The following STXBP5L variants were observed in gnomAD, a reference collection of about 807,000 sequenced individuals.
STXBP5L encodes the protein syntaxin-binding protein 5-like.
In STXBP5L, 65 loss-of-function variants were observed where a neutral mutation model predicts 144.5. That is an observed-to-expected ratio of 0.45 (90% CI 0.37 to 0.55). The LOEUF (loss-of-function observed/expected upper bound fraction) is 0.55. STXBP5L is among the 20% of genes least tolerant of loss of function. STXBP5L has a pLI of 0.00. For missense variants in STXBP5L, 1,298 were observed against 1,405.5 expected (o/e 0.92, Z 1.22); for synonymous variants, 505 against 469.6 (o/e 1.08, Z -0.97).
chr3:121,025,612 A>T (rs1279890549), intron 3 of STXBP5L, among the ~76,000 whole-genome samples: 1 of 151,626 alleles, frequency 6.6e-6, no homozygotes, highest in East Asian at 1.9e-4. Flanking sequence ...TAACTGTCTA[A>T]ATTTTGCAGG....
intron 9 of STXBP5L, among the ~76,000 whole-genome samples, chr3:121,203,964 C>T (rs982122230): frequency 6.6e-6 from 1 of 152,148 alleles, no homozygotes; most frequent in African/African-American, 2.4e-5. Context: ...CAGGGCTGGG[C>T]TTGGTGGCTC....
At chr3:121,348,343 G>C (rs895588712) in intron 20 of STXBP5L, among the ~76,000 whole-genome samples, 2 of 152,092 alleles carry the variant, frequency 1.3e-5, no homozygotes, top group African/African-American at 4.8e-5. Flanking sequence ...TTGATGTGCT[G>C]CTGGATTCGG....
intron 3 of STXBP5L, among the ~76,000 whole-genome samples, chr3:120,974,055 C>T (rs991689190): frequency 5.3e-5 from 8 of 152,090 alleles, no homozygotes; most frequent in African/African-American, 1.7e-4. Context: ...GGGTATATAC[C>T]GAGTAATGGG....
intron 7 of STXBP5L, among the ~76,000 whole-genome samples, chr3:121,134,944 T>C (rs1451493893): frequency 6.6e-6 from 1 of 152,226 alleles, no homozygotes; most frequent in Non-Finnish European, 1.5e-5. Flanking sequence ...CTGGGTCAAA[T>C]GGTATTTCTA....
At chr3:120,980,046 G>A (rs1019332466) in intron 3 of STXBP5L, among the ~76,000 whole-genome samples, 1 of 152,014 alleles carries the variant, frequency 6.6e-6, no homozygotes, top group Non-Finnish European at 1.5e-5. Flanking sequence ...GTTTCTGTTG[G>A]TGTTGATTTC....
intron 3 of STXBP5L, among the ~76,000 whole-genome samples, chr3:120,985,455 A>G (rs973485787): frequency 6.6e-6 from 1 of 152,042 alleles, no homozygotes; most frequent in African/African-American, 2.4e-5. Flanking sequence ...TGTCTTAGCA[A>G]TTTTCAAGTA....
rs115466142 is a variant in STXBP5L, at chr3:121,209,145, C to G, written c.956+3144C>G. ...AGTATTATTCCATGGTGTATATGTG[C>G]TACATTTTCGTTATCCAATCTATCA... On this transcript the variant is annotated intron_variant, in intron 10 of 26. Transcript: ENST00000471454. Among the ~76,000 whole-genome samples the G allele has an allele frequency of 7.5e-3, 1,139 of 152,240 alleles. 13 individuals are homozygous for G. Among genetic ancestry groups the G allele is most frequent in the African/African-American group, 0.026 (1,091 of 41,520 alleles).
intron 5 of STXBP5L, among the ~76,000 whole-genome samples, chr3:121,092,297 A>G (rs1382750284): frequency 6.6e-6 from 1 of 151,912 alleles, no homozygotes; most frequent in Non-Finnish European, 1.5e-5. Context: ...GTGTTTTCCA[A>G]TTCTGTGATG....
intron 9 of STXBP5L, among the ~76,000 whole-genome samples, chr3:121,188,002 T>C (rs1026234073): frequency 3.9e-5 from 6 of 152,104 alleles, no homozygotes; most frequent in Middle Eastern, 3.2e-3. Flanking sequence ...TAAATATATA[T>C]GCACCGAATG....
chr3:121,028,116 A>G (rs1946084141), intron 3 of STXBP5L, among the ~76,000 whole-genome samples: 1 of 152,134 alleles, frequency 6.6e-6, no homozygotes, highest in Non-Finnish European at 1.5e-5. Flanking sequence ...ACAAGTATGT[A>G]TTCAAAAATT....
At chr3:120,943,995 A>T (rs1710709982) in intron 2 of STXBP5L, among the ~76,000 whole-genome samples, 1 of 151,606 alleles carries the variant, frequency 6.6e-6, no homozygotes, top group African/African-American at 2.4e-5. Flanking sequence ...ATTAGTGATA[A>T]GCACATAAAA....
intron 9 of STXBP5L, among the ~76,000 whole-genome samples, chr3:121,193,128 A>T (rs2047769653): frequency 7.0e-6 from 1 of 142,896 alleles, no homozygotes; most frequent in African/African-American, 2.6e-5. Context: ...ATTTACAAGA[A>T]AAAAACAAAC....
rs1455444336 is a variant in STXBP5L, at chr3:121,254,876, G to A, written c.1442-19G>A. On this transcript the variant is annotated intron_variant, in intron 15 of 26. Coordinates refer to ENST00000471454, the MANE Select transcript of STXBP5L (RefSeq NM_001308330.2). ...ATTAAGTTTAAATTAGAAGATAACT[G>A]TGCTTCGATGTCTTATAGTAACTCT... 5 of 1,560,546 alleles carry A rather than the reference G, an allele frequency of 3.2e-6. No homozygotes were observed. The highest frequency in any genetic ancestry group is 3.9e-5 in the Admixed American group (2 of 50,650).
chr3:121,210,141 T>C (rs1196757740), intron 10 of STXBP5L, among the ~76,000 whole-genome samples: 1 of 152,094 alleles, frequency 6.6e-6, no homozygotes, highest in Non-Finnish European at 1.5e-5. Flanking sequence ...TGGTGTGAGA[T>C]GGTATCTCAT....
chr3:120,933,287 T>C (rs1480554072), intron 2 of STXBP5L, among the ~76,000 whole-genome samples: 2 of 152,128 alleles, frequency 1.3e-5, no homozygotes, highest in African/African-American at 4.8e-5. Flanking sequence ...AAGTTGACTA[T>C]AATATTCTGA....
At chr3:121,091,107 CTCA>C (rs1408020547) in intron 5 of STXBP5L, among the ~76,000 whole-genome samples, 1 of 149,944 alleles carries the variant, frequency 6.7e-6, no homozygotes, top group Non-Finnish European at 1.5e-5. Context: ...AGGACATGAA[CTCA>C]TCATTTTTTA....
chr3:121,386,917 C>T (rs1014947274), intron 22 of STXBP5L, among the ~76,000 whole-genome samples: 1 of 152,108 alleles, frequency 6.6e-6, no homozygotes, highest in South Asian at 2.1e-4. Flanking sequence ...TGTGTATATA[C>T]CCAGTAATGG....
At chr3:121,200,931 A>T (rs1433402120) in intron 9 of STXBP5L, among the ~76,000 whole-genome samples, 1 of 152,046 alleles carries the variant, frequency 6.6e-6, no homozygotes, top group East Asian at 1.9e-4. Flanking sequence ...AATAAGTGTT[A>T]TGTGGCACTG....
At chr3:121,390,501 G>A (rs144555575) in intron 22 of STXBP5L, among the ~76,000 whole-genome samples, 64 of 152,248 alleles carry the variant, frequency 4.2e-4, no homozygotes, top group African/African-American at 1.5e-3. Flanking sequence ...TTTACAATTT[G>A]GCATGTTTTT....
Sources: gnomAD v4.1 joint callset for allele counts (sites outside exome capture counted in the v4.1 genomes callset) on GRCh38, gnomAD v4.1.1 for gene constraint, MANE v1.5 for transcripts, NCBI Gene and HGNC (gene_info 2026-07-23, HGNC 2026-07-21) for gene names.